Variants in TCF7L2 observed in about 807,000 individuals in gnomAD.
TCF7L2 encodes transcription factor 7 like 2, also known as transcription factor 7-like 2.
Under a neutral mutation model 77.9 loss-of-function variants are expected in TCF7L2, and 23 were observed. That is an observed-to-expected ratio of 0.30 (90% CI 0.21 to 0.42). The LOEUF (loss-of-function observed/expected upper bound fraction) is 0.42. Ranked by LOEUF, TCF7L2 falls within the 10% of genes least tolerant of loss-of-function variation. The pLI, the probability that TCF7L2 is intolerant of heterozygous loss-of-function variation, is 1.00. For missense variants in TCF7L2, 654 were observed against 793.1 expected, an observed-to-expected ratio of 0.82 and a Z score of 2.11; for synonymous variants, 413 against 340.2, an observed-to-expected ratio of 1.21 and a Z score of -2.36.
chr10:112,961,266 C>CT (rs1257992745), intron 3 of TCF7L2, among the ~76,000 whole-genome samples: 1 of 125,740 alleles, frequency 8.0e-6, no homozygotes, highest in African/African-American at 3.1e-5. Flanking sequence ...CCCCCCCCCC[C>CT]CAACCTCGGC....
At chr10:113,057,256 G>T (rs984312976) in intron 5 of TCF7L2, among the ~76,000 whole-genome samples, 2 of 152,158 alleles carry the variant, frequency 1.3e-5, no homozygotes, top group Admixed American at 6.5e-5. Flanking sequence ...TGCAACTTCA[G>T]CCTCCTGGGT....
chr10:113,065,968 A>G (rs1044090931), intron 5 of TCF7L2, among the ~76,000 whole-genome samples: 1 of 152,228 alleles, frequency 6.6e-6, no homozygotes, highest in African/African-American at 2.4e-5. Context: ...GTGTCCGTGC[A>G]TGAAAGCAGA....
intron 5 of TCF7L2, among the ~76,000 whole-genome samples, chr10:113,046,520 TA>T (rs2053493578): frequency 6.6e-6 from 1 of 152,222 alleles, no homozygotes; most frequent in Admixed American, 6.5e-5. Flanking sequence ...GTTTTGCTGT[TA>T]AATTCTGCTA....
intron 4 of TCF7L2, among the ~76,000 whole-genome samples, chr10:112,988,252 C>T (rs112345351): frequency 2.5e-3 from 378 of 152,006 alleles, no homozygotes; most frequent in African/African-American, 8.7e-3. Flanking sequence ...TGCCTGCCAC[C>T]AGGCTGGGCT....
chr10:113,045,861 T>C (rs2053351783), intron 5 of TCF7L2, among the ~76,000 whole-genome samples: 1 of 152,196 alleles, frequency 6.6e-6, no homozygotes, highest in Admixed American at 6.5e-5. Context: ...GTCAGAACTT[T>C]CCCATTTCGC....
At chr10:113,031,364 T>G (rs1450014914) in intron 4 of TCF7L2, among the ~76,000 whole-genome samples, 2 of 152,194 alleles carry the variant, frequency 1.3e-5, no homozygotes, top group African/African-American at 2.4e-5. Flanking sequence ...GCTTGGCAAG[T>G]TGGAAAAAAG....
chr10:112,961,652 T>G (rs751173407), intron 3 of TCF7L2, among the ~76,000 whole-genome samples: 2 of 152,184 alleles, frequency 1.3e-5, no homozygotes, highest in Non-Finnish European at 2.9e-5. Context: ...AATAAAAATT[T>G]TAAGTCCTTG....
chr10:113,165,591 A>G lies in TCF7L2; in HGVS notation c.1428A>G (p.Glu476=), dbSNP rs1429821646. ...AGTGCGTTCGCTACATACAAGGTGAAGGCAGCTGCCTCAGCCCACCCTCTT... is the reference window on the plus strand; with the variant it reads ...AGTGCGTTCGCTACATACAAGGTGAGGGCAGCTGCCTCAGCCCACCCTCTT... Residue 476 remains glutamate, a synonymous_variant, in exon 14 of 14, where the codon GAA becomes GAG. Coordinates refer to ENST00000627217, the MANE Select transcript of TCF7L2 (RefSeq NM_001146274.2). 1.2e-6 allele frequency: 2 copies of G among 1,613,970 alleles called. No individual in the cohort carries two copies. Among genetic ancestry groups the G allele is most frequent in the South Asian group, 1.1e-5 (1 of 91,058 alleles).
chr10:112,962,804 G>T (rs1222711617), intron 3 of TCF7L2, among the ~76,000 whole-genome samples: 1 of 152,122 alleles, frequency 6.6e-6, no homozygotes, highest in Non-Finnish European at 1.5e-5. Flanking sequence ...TCACCATGTT[G>T]GCCAGGGTGG....
At chr10:113,150,660 C>CTA (rs1352856908) in intron 8 of TCF7L2, among the ~76,000 whole-genome samples, 9 of 152,298 alleles carry the variant, frequency 5.9e-5, no homozygotes, top group African/African-American at 2.2e-4. Context: ...TTAGATGCCA[C>CTA]TAATAATGCC....
At chr10:113,135,079 A>G (rs2067198141) in intron 5 of TCF7L2, among the ~76,000 whole-genome samples, 1 of 152,222 alleles carries the variant, frequency 6.6e-6, no homozygotes, top group Non-Finnish European at 1.5e-5. Flanking sequence ...GCCCACAGTT[A>G]TAGAGCCTTG....
At chr10:113,033,332 T>A (rs1436046325) in intron 4 of TCF7L2, among the ~76,000 whole-genome samples, 1 of 151,888 alleles carries the variant, frequency 6.6e-6, no homozygotes, top group Non-Finnish European at 1.5e-5. Flanking sequence ...CTTCTTGGCT[T>A]ATTGCAACCT....
chr10:113,057,430 C>T lies in TCF7L2; in HGVS notation c.552+17304C>T, dbSNP rs140399099. Among the ~76,000 whole-genome samples, 706 of 152,244 alleles carry T rather than the reference C, an allele frequency of 4.6e-3. 7 individuals carry two copies. The highest frequency in any genetic ancestry group is 0.024 in the Middle Eastern group (7 of 294). ...AGGTGATCTGCCCTTCTCGGCCTCC[C>T]GAAGTGGTGGGATTATAGGCGTGAG... On this transcript the variant is annotated intron_variant, in intron 5 of 13. Transcript: ENST00000627217.
intron 8 of TCF7L2, among the ~76,000 whole-genome samples, chr10:113,147,957 A>G (rs1283582972): frequency 6.6e-6 from 1 of 152,186 alleles, no homozygotes; most frequent in African/African-American, 2.4e-5. Context: ...AATGAAAGAT[A>G]GCTAGTTAAA....
intron 13 of TCF7L2, among the ~76,000 whole-genome samples, chr10:113,164,795 G>A (rs1418824497): frequency 6.6e-6 from 1 of 150,854 alleles, no homozygotes; most frequent in Non-Finnish European, 1.5e-5. Context: ...TTTGTTTTAA[G>A]TTTATTTTGT....
At chr10:113,112,581 G>T (rs954896942) in intron 5 of TCF7L2, among the ~76,000 whole-genome samples, 1 of 152,210 alleles carries the variant, frequency 6.6e-6, no homozygotes, top group African/African-American at 2.4e-5. Context: ...GCAATTTCCC[G>T]TGCTTACTTA....
chr10:112,964,782 T>G, intron 4 of TCF7L2, among the ~76,000 whole-genome samples, 158 bp downstream of exon 4: 1 of 75,200 alleles, frequency 1.3e-5, no homozygotes, highest in Non-Finnish European at 2.4e-5. Flanking sequence ...GTGGTGATGG[T>G]GGTGGTGGTG....
chr10:113,151,842 G>A lies in TCF7L2; in HGVS notation c.1119G>A (p.Thr373=), dbSNP rs543548738. 64 of 1,612,510 alleles carry A rather than the reference G, an allele frequency of 4.0e-5. No homozygotes were observed. The South Asian group carries it at 5.6e-4, about 14-fold the overall frequency. The stretch of plus-strand genomic sequence containing the variant: ...GAGCAAAGGTCGTAGCTGAGTGCAC[G>A]TTGAAAGAAAGCGCGGCCATCAACC... The change falls in exon 10 of 14, where the codon ACG becomes ACA. Residue 373 remains threonine, a synonymous_variant. Transcript: ENST00000627217. This position sits in a 1 kb window ranked among gnomAD's most constrained non-coding sequence, Gnocchi z 5.2.
At position 113,165,942 on chromosome 10, in the gene TCF7L2, G is replaced by A. The variant is rs765643411; in HGVS notation, c.1779G>A (p.Pro593=). 21 of 1,539,486 alleles carry A rather than the reference G, an allele frequency of 1.4e-5. No individual in the cohort carries two copies. Among genetic ancestry groups the A allele is most frequent in the Admixed American group, 4.1e-5 (2 of 48,212 alleles). Residue 593 remains proline (P), a synonymous_variant, in exon 14 of 14, where the codon CCG becomes CCA. Transcript: ENST00000627217. The stretch of plus-strand genomic sequence containing the variant: ...CCCTGGCCGGGACCCAGCCCCAGCC[G>A]CTGTCGCTCGTCACCAAGTCTTTAG...
Sources: allele counts gnomAD v4.1 joint callset (sites outside exome capture counted in the v4.1 genomes callset), GRCh38; gene constraint gnomAD v4.1.1; non-coding constraint Gnocchi (gnomAD v3.1); transcripts MANE v1.5; gene names NCBI Gene and HGNC (gene_info 2026-07-23, HGNC 2026-07-21).